Variants in HS3ST4 observed in about 807,000 individuals in gnomAD.
The protein encoded by HS3ST4 is heparan sulfate-glucosamine 3-sulfotransferase 4.
Under a neutral mutation model 29.2 loss-of-function variants are expected in HS3ST4, and 17 were observed. That is an observed-to-expected ratio of 0.58 (90% CI 0.40 to 0.87). The LOEUF (loss-of-function observed/expected upper bound fraction) is 0.87, where lower values mean the gene tolerates loss of function less well. HS3ST4 is among the 40% of genes least tolerant of loss of function. HS3ST4 has a pLI of 0.00. For missense variants in HS3ST4, 627 were observed against 634.5 expected, an observed-to-expected ratio of 0.99 and a Z score of 0.13; for synonymous variants, 314 against 285.7, an observed-to-expected ratio of 1.10 and a Z score of -1.00.
intron 1 of HS3ST4, among the ~76,000 whole-genome samples, chr16:25,953,035 G>A (rs1968696683): frequency 6.6e-6 from 1 of 152,172 alleles, no homozygotes; most frequent in African/African-American, 2.4e-5. Context: ...CTAGGTTTCT[G>A]TATGGCCCTT....
chr16:26,001,244 C>T (rs2141733779), intron 1 of HS3ST4, among the ~76,000 whole-genome samples: 1 of 152,194 alleles, frequency 6.6e-6, no homozygotes, highest in East Asian at 1.9e-4. Context: ...GCATCTCATT[C>T]TTAGCAATAC....
chr16:26,092,961 C>G (rs2141790803), intron 1 of HS3ST4, among the ~76,000 whole-genome samples: 1 of 152,308 alleles, frequency 6.6e-6, no homozygotes, highest in African/African-American at 2.4e-5. Flanking sequence ...TCGGTGGGTC[C>G]TTCGCCCACA....
Position 25,887,680 on chromosome 16 carries a change from C to T in HS3ST4, c.734+194529C>T, listed in dbSNP as rs897237449. On this transcript the variant is annotated intron_variant, in intron 1 of 1. Coordinates refer to ENST00000331351, the MANE Select transcript of HS3ST4 (RefSeq NM_006040.3). ...CTATGGGTGGAGCATCCCTAGCGCC[C>T]GCTACACCTGATTTTTTTTTTTTTT... Among the ~76,000 whole-genome samples the T allele has an allele frequency of 9.9e-4, 149 of 149,814 alleles. 1 individual carries two copies. Among genetic ancestry groups the T allele is most frequent in the East Asian group, 2.7e-3 (14 of 5,098 alleles).
At chr16:26,074,163 C>A (rs1003859982) in intron 1 of HS3ST4, among the ~76,000 whole-genome samples, 4 of 152,158 alleles carry the variant, frequency 2.6e-5, no homozygotes, top group African/African-American at 9.7e-5. Flanking sequence ...ATACTCAGGA[C>A]CCTCTGAGGG....
At chr16:25,990,035 A>G (rs1179470393) in intron 1 of HS3ST4, among the ~76,000 whole-genome samples, 1 of 152,224 alleles carries the variant, frequency 6.6e-6, no homozygotes, top group Non-Finnish European at 1.5e-5. Flanking sequence ...TAGAGTATAT[A>G]GCACTTTCAG....
intron 1 of HS3ST4, among the ~76,000 whole-genome samples, chr16:25,725,077 G>A (rs1966523777): frequency 7.5e-6 from 1 of 134,094 alleles, no homozygotes; most frequent in Admixed American, 7.8e-5. Flanking sequence ...AGTCACTTGT[G>A]TATGTTATCA....
intron 1 of HS3ST4, among the ~76,000 whole-genome samples, chr16:25,914,675 C>T (rs1968275164): frequency 6.6e-6 from 1 of 151,118 alleles, no homozygotes; most frequent in Non-Finnish European, 1.5e-5. Flanking sequence ...ACTTTGTGTG[C>T]TTCTGTGTGT....
At chr16:26,082,113 A>G (rs187826121) in intron 1 of HS3ST4, among the ~76,000 whole-genome samples, 71 of 152,232 alleles carry the variant, frequency 4.7e-4, no homozygotes, top group Middle Eastern at 3.4e-3. Context: ...ATTCTTTGAA[A>G]TGGGAGGAGA....
intron 1 of HS3ST4, among the ~76,000 whole-genome samples, chr16:25,753,746 T>C (rs769817417): frequency 6.6e-6 from 1 of 152,202 alleles, no homozygotes. Context: ...ATTCCCAGTG[T>C]TGTCTTTTAT....
intron 1 of HS3ST4, among the ~76,000 whole-genome samples, chr16:25,909,288 G>A (rs977538670): frequency 6.6e-6 from 1 of 151,800 alleles, no homozygotes; most frequent in African/African-American, 2.4e-5. Context: ...TCCAGGACTC[G>A]AGCGATTCTC....
chr16:26,068,576 CT>C (rs1224717700), intron 1 of HS3ST4, among the ~76,000 whole-genome samples: 2 of 152,112 alleles, frequency 1.3e-5, no homozygotes, highest in Admixed American at 1.3e-4. Context: ...TAAACTTCCC[CT>C]CTCCATTCAG....
chr16:25,760,748 T>G (rs563002270), intron 1 of HS3ST4, among the ~76,000 whole-genome samples: 1 of 152,298 alleles, frequency 6.6e-6, no homozygotes, highest in African/African-American at 2.4e-5. Context: ...CTTAATTACT[T>G]CTTCAAAGGT....
intron 1 of HS3ST4, among the ~76,000 whole-genome samples, chr16:26,095,295 C>T (rs1273564380): frequency 6.6e-6 from 1 of 152,154 alleles, no homozygotes; most frequent in Non-Finnish European, 1.5e-5. Context: ...CTCTCCACCC[C>T]AAATCAACAG....
Position 25,747,977 on chromosome 16 carries a change from A to T in HS3ST4, c.734+54826A>T, listed in dbSNP as rs189208776. Among the ~76,000 whole-genome samples the T allele has an allele frequency of 7.2e-5, 11 of 152,316 alleles. 1 individual carries two copies. In the East Asian group the frequency reaches 2.1e-3, roughly 29 times the overall value. On this transcript the variant is annotated intron_variant, in intron 1 of 1. Transcript: ENST00000331351. ...TGTGAAAGGGAAGTTAGTGAAATTC[A>T]GGGATTAAATATCTCTGTTACCAAT...
At chr16:25,794,963 T>A (rs1966879542) in intron 1 of HS3ST4, among the ~76,000 whole-genome samples, 1 of 150,864 alleles carries the variant, frequency 6.6e-6, no homozygotes, top group Non-Finnish European at 1.5e-5. Context: ...TTTTCATCTT[T>A]TTTTCTTTAC....
At chr16:25,703,787 G>A (rs1392946070) in intron 1 of HS3ST4, among the ~76,000 whole-genome samples, 1 of 151,980 alleles carries the variant, frequency 6.6e-6, no homozygotes, top group African/African-American at 2.4e-5. Flanking sequence ...GGAATATTCT[G>A]TCCCTAGATC....
chr16:25,853,926 A>T (rs375131785), intron 1 of HS3ST4, among the ~76,000 whole-genome samples: 1 of 152,106 alleles, frequency 6.6e-6, no homozygotes, highest in Admixed American at 6.6e-5. Flanking sequence ...TGTGAGAAGG[A>T]TTTATGTTAA....
chr16:25,839,712 A>C (rs1218628709), intron 1 of HS3ST4, among the ~76,000 whole-genome samples: 3 of 151,676 alleles, frequency 2.0e-5, no homozygotes, highest in Non-Finnish European at 2.9e-5. Context: ...GTCTATGATA[A>C]ATTTTTAGCA....
intron 1 of HS3ST4, among the ~76,000 whole-genome samples, chr16:25,859,093 ATTTC>A (rs1409459591): frequency 6.6e-6 from 1 of 151,994 alleles, no homozygotes; most frequent in Non-Finnish European, 1.5e-5. Context: ...TTTTTTGGTA[ATTTC>A]TTGGAATTTT....
Sources: allele counts gnomAD v4.1 joint callset (sites outside exome capture counted in the v4.1 genomes callset), GRCh38; gene constraint gnomAD v4.1.1; transcripts MANE v1.5; gene names NCBI Gene and HGNC (gene_info 2026-07-23, HGNC 2026-07-21).